Variants in MYT1L observed in about 807,000 individuals in gnomAD.
MYT1L encodes myelin transcription factor 1 like.
In MYT1L, 12 loss-of-function variants were observed where a neutral mutation model predicts 126.7. That is an observed-to-expected ratio of 0.09 (90% CI 0.06 to 0.15). The LOEUF is 0.15. Among genes scored for constraint, MYT1L ranks in the 10% least tolerant of loss-of-function variants. The pLI, the probability that MYT1L is intolerant of heterozygous loss-of-function variation, is 1.00. For missense variants in MYT1L, 979 were observed against 1,585.2 expected (o/e 0.62, Z 6.49); for synonymous variants, 541 against 604.2 (o/e 0.90, Z 1.53).
chr2:1,797,516 G>A (rs1032699515), intron 23 of MYT1L, among the ~76,000 whole-genome samples: 7 of 152,296 alleles, frequency 4.6e-5, no homozygotes, highest in African/African-American at 7.2e-5. Context: ...CACTGTGCCC[G>A]GCCAGGGGCC....
At chr2:2,004,961 TTC>T (rs2063046120) in intron 4 of MYT1L, among the ~76,000 whole-genome samples, 1 of 143,118 alleles carries the variant, frequency 7.0e-6, no homozygotes, top group African/African-American at 3.0e-5. Context: ...CCTGCATGCG[TTC>T]TTTCCTGCAT....
chr2:2,082,120 T>C (rs977169071), intron 3 of MYT1L, among the ~76,000 whole-genome samples: 1 of 151,060 alleles, frequency 6.6e-6, no homozygotes, highest in African/African-American at 2.4e-5. Context: ...GTAGGGCTGT[T>C]GAAAGGATCT....
At chr2:2,150,915 C>CGGAGGGAGGGAGGGAGAT in intron 3 of MYT1L, among the ~76,000 whole-genome samples, 1 of 133,784 alleles carries the variant, frequency 7.5e-6, no homozygotes, top group Non-Finnish European at 1.6e-5. Context: ...GGGAGGGAGA[C>CGGAGGGAGGGAGGGAGAT]GGAGGGAGGG....
chr2:1,839,361 G>T lies in MYT1L; in HGVS notation c.2868C>A (p.Val956=). The T allele has an allele frequency of 6.2e-7, 1 of 1,612,806 alleles. No homozygotes were observed. Among genetic ancestry groups the T allele is most frequent in the Non-Finnish European group, 8.5e-7 (1 of 1,179,572 alleles). ...KEDQEPIRCP[V]PGCDGQGHIT... ...TGTGGCCCTGGCCGTCGCACCCGGG[G>T]ACCGGACACCTGTAGGCAGGCAGAG... is the stretch of plus-strand genomic sequence containing the variant. Residue 956 remains valine (V), a synonymous_variant, in exon 21 of 25, where the codon GTC becomes GTA. Transcript: ENST00000647738.
chr2:2,196,663 G>T (rs1318326627), intron 2 of MYT1L, among the ~76,000 whole-genome samples: 3 of 151,812 alleles, frequency 2.0e-5, no homozygotes, highest in Non-Finnish European at 4.4e-5. Flanking sequence ...TTGTGTTTTT[G>T]TAAAATGGTA....
intron 8 of MYT1L, among the ~76,000 whole-genome samples, chr2:1,956,188 G>GTTGTCTATCTAT (rs2058334885): frequency 1.5e-5 from 1 of 64,990 alleles, no homozygotes; most frequent in African/African-American, 5.8e-5. Context: ...CATTTACCTA[G>GTTGTCTATCTAT]CTGTCTATCT....
rs1027172057 is a variant in MYT1L at position 2,180,241 on chromosome 2, G to C, written c.-420-7253C>G. ...TTCCAAGCCCCCCAAGGAACTCATGGCTCCTTGAGAGTACAGAAGATGTTT... is the reference window on the plus strand; with the variant it reads ...TTCCAAGCCCCCCAAGGAACTCATGCCTCCTTGAGAGTACAGAAGATGTTT... On this transcript the variant is annotated intron_variant, in intron 2 of 24. Transcript: ENST00000647738. Among the ~76,000 whole-genome samples, 5 of 152,100 alleles carry C rather than the reference G, an allele frequency of 3.3e-5. 1 individual carries two copies. In the South Asian group the frequency reaches 1.0e-3, roughly 31 times the overall value.
chr2:2,225,563 A>G (rs1237033949), intron 2 of MYT1L, among the ~76,000 whole-genome samples: 1 of 152,054 alleles, frequency 6.6e-6, no homozygotes, highest in Non-Finnish European at 1.5e-5. Flanking sequence ...TCCTCAGTTC[A>G]TGTTCCATAA....
intron 8 of MYT1L, among the ~76,000 whole-genome samples, chr2:1,946,056 C>T (rs1285606258): frequency 6.6e-6 from 1 of 152,182 alleles, no homozygotes; most frequent in African/African-American, 2.4e-5. Flanking sequence ...CTCCCTATTG[C>T]TCGCATGACC....
At chr2:2,096,677 A>G (rs2077496295) in intron 3 of MYT1L, among the ~76,000 whole-genome samples, 1 of 152,124 alleles carries the variant, frequency 6.6e-6, no homozygotes, top group Admixed American at 6.5e-5. Flanking sequence ...TGTTCCTTTC[A>G]GGGGTGAGTC....
intron 9 of MYT1L, among the ~76,000 whole-genome samples, chr2:1,937,643 C>T (rs1420957875): frequency 6.6e-6 from 1 of 151,950 alleles, no homozygotes; most frequent in African/African-American, 2.4e-5. Flanking sequence ...CTGAGAAGGC[C>T]CTAACATCCG....
At chr2:1,805,336 G>T (rs1210014896) in intron 22 of MYT1L, among the ~76,000 whole-genome samples, 1 of 152,220 alleles carries the variant, frequency 6.6e-6, no homozygotes, top group African/African-American at 2.4e-5. Context: ...CCTCACAGTG[G>T]ATTCCGGTGG....
intron 3 of MYT1L, among the ~76,000 whole-genome samples, chr2:2,081,319 T>C (rs1038776284): frequency 1.3e-5 from 2 of 152,194 alleles, no homozygotes; most frequent in African/African-American, 4.8e-5. Context: ...TTGTAAAATT[T>C]ATTAACGGCT....
intron 2 of MYT1L, among the ~76,000 whole-genome samples, chr2:2,268,842 G>A (rs1222348606): frequency 6.6e-6 from 1 of 152,126 alleles, no homozygotes; most frequent in African/African-American, 2.4e-5. Flanking sequence ...TTAGTTATTA[G>A]CCTAAGTAAA....
chr2:2,130,722 A>G lies in MYT1L; in HGVS notation c.-304+42150T>C, dbSNP rs117251720. On this transcript the variant is annotated intron_variant, in intron 3 of 24. Coordinates refer to ENST00000647738, the MANE Select transcript of MYT1L (RefSeq NM_001303052.2). ...CAACCACGGAATTCGCAGGAAGGAA[A>G]TGCTTTGTGTCAACATAGATGCTTT... Among the ~76,000 whole-genome samples, 25 of 152,304 alleles carry G rather than the reference A, an allele frequency of 1.6e-4. No homozygotes were observed. In the East Asian group the frequency reaches 4.8e-3, roughly 29 times the overall value.
intron 4 of MYT1L, among the ~76,000 whole-genome samples, chr2:2,002,810 A>G (rs564843938): frequency 2.6e-5 from 4 of 152,218 alleles, no homozygotes; most frequent in Admixed American, 1.3e-4. Flanking sequence ...TGCTGTTCTC[A>G]TGATAGAGAG....
intron 21 of MYT1L, among the ~76,000 whole-genome samples, chr2:1,812,589 G>A (rs2036838773): frequency 6.6e-6 from 1 of 152,096 alleles, no homozygotes; most frequent in South Asian, 2.1e-4. Flanking sequence ...GTTAAGAGAA[G>A]ACTCTTAGCC....
intron 3 of MYT1L, among the ~76,000 whole-genome samples, chr2:2,072,349 T>C (rs2074703443): frequency 6.6e-6 from 1 of 152,212 alleles, no homozygotes; most frequent in Admixed American, 6.5e-5. Context: ...TTCATATTTG[T>C]GAATCCAAAT....
At chr2:1,825,315 C>G (rs2039155366) in intron 21 of MYT1L, 1 of 152,188 alleles carries the variant, frequency 6.6e-6, no homozygotes, top group African/African-American at 2.4e-5. Context: ...ACCACAGCGA[C>G]CTAGTTATGG....
Sources: allele counts gnomAD v4.1 joint callset (sites outside exome capture counted in the v4.1 genomes callset), GRCh38; gene constraint gnomAD v4.1.1; transcripts MANE v1.5; gene names NCBI Gene and HGNC (gene_info 2026-07-23, HGNC 2026-07-21).